The following APOLD1 variants were observed in gnomAD, a reference collection of about 807,000 sequenced individuals.
The protein encoded by APOLD1 is apolipoprotein L domain-containing protein 1.
APOLD1 carries 22 observed loss-of-function variants against 15.3 expected under a neutral mutation model. The ratio of observed to expected loss-of-function variants is 1.44; its 90% confidence interval spans 1.03 to 2.05. The LOEUF (loss-of-function observed/expected upper bound fraction) is 2.05, where lower values mean the gene tolerates loss of function less well. APOLD1 is among the 30% of genes most tolerant of loss of function. The pLI, the probability that APOLD1 is intolerant of heterozygous loss-of-function variation, is 0.00. For missense variants in APOLD1, 394 were observed against 353.5 expected (o/e 1.11, Z -0.92); for synonymous variants, 190 against 167.4 (o/e 1.13, Z -1.04).
chr12:12,753,979 C>G (rs904238467), intron 1 of APOLD1, among the ~76,000 whole-genome samples: 2 of 151,080 alleles, frequency 1.3e-5, no homozygotes, highest in Admixed American at 1.3e-4. Flanking sequence ...CTTTGGAAGG[C>G]TGAGGTGGGC....
At position 12,786,889 on chromosome 12, in the gene APOLD1, G is replaced by A. The variant is rs1337365296; in HGVS notation, c.4-20G>A. The A allele has an allele frequency of 3.5e-6, 5 of 1,410,604 alleles. No individual in the cohort carries two copies. The South Asian group carries it at 7.8e-5, about 22-fold the overall frequency. 87.4% of individuals were successfully genotyped at this position (1,410,604 alleles called of 1,614,324 possible). On this transcript the variant is annotated intron_variant, in intron 1 of 1. Transcript: ENST00000356591. The stretch of plus-strand genomic sequence containing the variant: ...CTGGCACGGAGACTCCAGGCTGACC[G>A]CGTGTCTATGTCCCCGCAGGGAATG...
intron 1 of APOLD1, among the ~76,000 whole-genome samples, chr12:12,786,193 A>C (rs918775765): frequency 6.6e-5 from 10 of 152,238 alleles, no homozygotes; most frequent in African/African-American, 2.4e-4. Flanking sequence ...AAAGAGACAT[A>C]ATGGTATTAA....
chr12:12,783,190 A>T (rs1471651549), upstream of APOLD1, among the ~76,000 whole-genome samples: 1 of 152,172 alleles, frequency 6.6e-6, no homozygotes, highest in African/African-American at 2.4e-5. Flanking sequence ...TGGGCGACAG[A>T]CTGAGACGCC....
intron 1 of APOLD1, among the ~76,000 whole-genome samples, chr12:12,755,165 CTTTA>C (rs1273507994): frequency 6.6e-6 from 1 of 152,108 alleles, no homozygotes; most frequent in African/African-American, 2.4e-5. Context: ...TATATGAAAA[CTTTA>C]TTTGTATAAA....
rs1373426778 is a variant in APOLD1 at position 12,787,788 on chromosome 12, T to C, written c.*136T>C. The C allele has an allele frequency of 3.9e-6, 5 of 1,288,308 alleles. No individual in the cohort carries two copies. The highest frequency in any genetic ancestry group is 4.2e-6 in the Non-Finnish European group (4 of 955,082). 79.8% of individuals were successfully genotyped at this position (1,288,308 alleles called of 1,614,324 possible). On this transcript the variant is annotated 3_prime_UTR_variant, in exon 2 of 2. Transcript: ENST00000356591. The surrounding 1 kb of genome is among the most constrained non-coding windows in gnomAD (Gnocchi z 4.9). ...AGGATGAGAAAAACTGTTTTTGAAG[T>C]GGGCAGGTCCCCAAAGCCCTTCTTT... is the stretch of plus-strand genomic sequence containing the variant.
upstream of APOLD1, chr12:12,785,593 A>G: frequency 6.2e-7 from 1 of 1,612,272 alleles, no homozygotes; most frequent in South Asian, 1.1e-5. Flanking sequence ...AGAATGAGAC[A>G]AGGCTTTCCC....
rs1249419989 is a variant in APOLD1 at position 12,788,153 on chromosome 12, G to A, written c.*501G>A. 1 of 156,102 alleles carries A rather than the reference G, an allele frequency of 6.4e-6. No homozygotes were observed. Among genetic ancestry groups the A allele is most frequent in the Non-Finnish European group, 1.4e-5 (1 of 70,680 alleles). The allele number at this position is 156,102 out of a possible 1,614,324, so 9.7% of individuals were successfully genotyped here. A position where few individuals can be genotyped will look rare whatever the true frequency, so the allele number is the denominator to read the frequency against. On this transcript the variant is annotated 3_prime_UTR_variant, in exon 2 of 2. Coordinates refer to ENST00000356591, the MANE Select transcript of APOLD1 (RefSeq NM_030817.3). ...GCAAATCAGCCCTTCTCTGAACGTT[G>A]TAGGATGGTTCAGAACCCAGAGAGG...
chr12:12,747,505 C>G lies in APOLD1; in HGVS notation c.96+21409C>G, dbSNP rs145731648. Among the ~76,000 whole-genome samples, 612 of 152,336 alleles carry G rather than the reference C, an allele frequency of 4.0e-3. 4 individuals carry two copies. The highest frequency in any genetic ancestry group is 0.02 in the South Asian group (95 of 4,832). The stretch of plus-strand genomic sequence containing the variant: ...GGCCTGCTGTAGGGGCAGGCTGACA[C>G]TCTGGTCGCCAGGGAGGCAAGTCTA... On this transcript the variant is annotated intron_variant, in intron 1 of 1. Coordinates refer to the APOLD1 transcript ENST00000326765.
intron 1 of APOLD1, among the ~76,000 whole-genome samples, chr12:12,727,972 T>C (rs1031200705): frequency 1.3e-5 from 2 of 151,790 alleles, no homozygotes; most frequent in African/African-American, 2.4e-5. Context: ...ATTAATTAAT[T>C]AATTTTTCTT....
intron 1 of APOLD1, among the ~76,000 whole-genome samples, chr12:12,759,691 G>A (rs1432917840): frequency 6.6e-6 from 1 of 152,216 alleles, no homozygotes; most frequent in Non-Finnish European, 1.5e-5. Flanking sequence ...CCCGTCTGCA[G>A]CTCGGGCTGC....
intron 1 of APOLD1, among the ~76,000 whole-genome samples, chr12:12,777,862 G>A (rs1298994580): frequency 6.8e-6 from 1 of 146,224 alleles, no homozygotes; most frequent in African/African-American, 2.6e-5. Context: ...CAGTTCACCT[G>A]GAAATATCTT....
At chr12:12,785,901 G>C (rs1947120230) in intron 1 of APOLD1, among the ~76,000 whole-genome samples, 1 of 152,190 alleles carries the variant, frequency 6.6e-6, no homozygotes, top group Non-Finnish European at 1.5e-5. Context: ...AATTCTTCCA[G>C]ATGAGAATGA....
intron 1 of APOLD1, among the ~76,000 whole-genome samples, chr12:12,756,223 T>G (rs767554548): frequency 6.6e-6 from 1 of 152,216 alleles, no homozygotes; most frequent in Non-Finnish European, 1.5e-5. Flanking sequence ...TTTTTAACCT[T>G]CTGTTAATGC....
chr12:12,771,781 T>C (rs1946989453), intron 1 of APOLD1: 1 of 221,918 alleles, frequency 4.5e-6, no homozygotes, highest in African/African-American at 2.3e-5. Flanking sequence ...TATATAGCTA[T>C]GTATATTTAT....
intron 1 of APOLD1, among the ~76,000 whole-genome samples, chr12:12,774,629 A>C (rs1175475527): frequency 6.6e-6 from 1 of 151,898 alleles, no homozygotes; most frequent in Non-Finnish European, 1.5e-5. Flanking sequence ...ACCTGAACAA[A>C]AAATGGGCCA....
intron 1 of APOLD1, among the ~76,000 whole-genome samples, chr12:12,760,787 T>A (rs545429532): frequency 3.3e-5 from 5 of 152,164 alleles, no homozygotes; most frequent in Non-Finnish European, 4.4e-5. Flanking sequence ...CATTTACATA[T>A]AAGGATCTGA....
At chr12:12,760,327 C>G (rs1946888349) in intron 1 of APOLD1, among the ~76,000 whole-genome samples, 1 of 148,236 alleles carries the variant, frequency 6.7e-6, no homozygotes, top group Admixed American at 6.8e-5. Flanking sequence ...CCCGGTCTCA[C>G]AACAAACAAA....
In APOLD1 at chr12:12,785,683, C is replaced by A. The variant is rs1406203979; in HGVS notation, c.-9C>A. The stretch of plus-strand genomic sequence containing the variant: ...CAGATTTTACTTTCCTGGAGGCAGA[C>A]AGAAGTGAATGGTAAGTGGGGAACC... On this transcript the variant is annotated 5_prime_UTR_variant, in exon 1 of 2. Transcript: ENST00000356591. 1.9e-6 allele frequency: 3 copies of A among 1,614,092 alleles called. No homozygotes were observed. Among genetic ancestry groups the A allele is most frequent in the Non-Finnish European group, 2.5e-6 (3 of 1,179,956 alleles).
intron 1 of APOLD1, among the ~76,000 whole-genome samples, chr12:12,756,258 T>A (rs1946857430): frequency 6.6e-6 from 1 of 152,244 alleles, no homozygotes; most frequent in South Asian, 2.1e-4. Context: ...TCCAGATTTC[T>A]CTTTGAGTTC....
Sources: allele counts gnomAD v4.1 joint callset (sites outside exome capture counted in the v4.1 genomes callset), GRCh38; gene constraint gnomAD v4.1.1; non-coding constraint Gnocchi (gnomAD v3.1); transcripts MANE v1.5; gene names NCBI Gene and HGNC (gene_info 2026-07-23, HGNC 2026-07-21).